Variants in ARL15 observed in about 807,000 individuals in gnomAD.
ARL15 encodes ARF like GTPase 15.
ARL15 carries 19 observed loss-of-function variants against 25.2 expected under a neutral mutation model. That is an observed-to-expected ratio of 0.75 (90% confidence interval 0.53 to 1.10). The LOEUF is 1.10. Ranked by LOEUF, ARL15 falls within the 50% of genes least tolerant of loss-of-function variation. ARL15 has a pLI of 0.00. For missense variants in ARL15, 220 were observed against 246.0 expected (o/e 0.89, Z 0.71); for synonymous variants, 94 against 86.8 (o/e 1.08, Z -0.46).
At chr5:54,097,091 T>C (rs1291363609) in intron 4 of ARL15, among the ~76,000 whole-genome samples, 1 of 152,012 alleles carries the variant, frequency 6.6e-6, no homozygotes, top group Non-Finnish European at 1.5e-5. Context: ...CCGGGCACAG[T>C]GGCTCATGAG....
chr5:54,055,348 AT>A (rs1750834002), intron 4 of ARL15, among the ~76,000 whole-genome samples: 1 of 121,424 alleles, frequency 8.2e-6, no homozygotes, highest in South Asian at 2.6e-4. Flanking sequence ...TTGCATCATC[AT>A]TCCTTTTTTT....
intron 4 of ARL15, among the ~76,000 whole-genome samples, chr5:53,927,370 C>G (rs1341114411): frequency 6.6e-6 from 1 of 152,192 alleles, no homozygotes; most frequent in Non-Finnish European, 1.5e-5. Flanking sequence ...GACACACACA[C>G]AGACACACGT....
Position 53,885,629 on chromosome 5 carries a change from C to T in ARL15, c.*932G>A, listed in dbSNP as rs1395525909. Reference sequence around the variant, plus strand: ...TCTGTCTTTGTTATCTTTGTCAAATCCATGCCATCTTAAACCCTAACCAGT... The same window carrying T: ...TCTGTCTTTGTTATCTTTGTCAAATTCATGCCATCTTAAACCCTAACCAGT... On this transcript the variant is annotated 3_prime_UTR_variant, in exon 5 of 5. Coordinates refer to ENST00000504924, the MANE Select transcript of ARL15 (RefSeq NM_019087.3). 6.6e-6 allele frequency: 1 copy of T among 152,558 alleles called. No homozygotes were observed. The highest frequency in any genetic ancestry group is 1.5e-5 in the Non-Finnish European group (1 of 68,018). 9.5% of individuals were successfully genotyped at this position (152,558 alleles called of 1,614,324 possible). A position where few individuals can be genotyped will look rare whatever the true frequency, so the allele number is the denominator to read the frequency against.
At position 53,973,498 on chromosome 5, in the gene ARL15, C is replaced by T. The variant is rs1463179376; in HGVS notation, c.463-86785G>A. Reference sequence around the variant, plus strand: ...CTGAGGCAGGAGAATCACTTGAACCCGGGAGGCAGAGGTTGCAGTGAGCCA... The same window carrying T: ...CTGAGGCAGGAGAATCACTTGAACCTGGGAGGCAGAGGTTGCAGTGAGCCA... On this transcript the variant is annotated intron_variant, in intron 4 of 4. Coordinates refer to ENST00000504924, the MANE Select transcript of ARL15 (RefSeq NM_019087.3). 4.0e-5 allele frequency among the ~76,000 whole-genome samples: 6 copies of T among 148,210 alleles called. No individual in the cohort carries two copies. The South Asian group carries it at 6.5e-4, about 16-fold the overall frequency.
chr5:53,953,383 A>G lies in ARL15; in HGVS notation c.463-66670T>C, dbSNP rs1747042235. On this transcript the variant is annotated intron_variant, in intron 4 of 4. Coordinates refer to ENST00000504924, the MANE Select transcript of ARL15 (RefSeq NM_019087.3). ...AGTAGGGAGCTCAGAGAATCTTAAT[A>G]TGTATTATATTTAAATTTTCTATAA... is the stretch of plus-strand genomic sequence containing the variant. Among the ~76,000 whole-genome samples, 2 of 152,214 alleles carry G rather than the reference A, an allele frequency of 1.3e-5. 1 individual carries two copies. Among genetic ancestry groups the G allele is most frequent in the South Asian group, 4.1e-4 (2 of 4,830 alleles).
chr5:54,122,896 C>T (rs917150819), intron 3 of ARL15, among the ~76,000 whole-genome samples: 10 of 151,954 alleles, frequency 6.6e-5, no homozygotes, highest in African/African-American at 9.7e-5. Context: ...TATAAAATAC[C>T]CCAAGATTCT....
chr5:54,102,191 T>C (rs1011789552), intron 4 of ARL15, among the ~76,000 whole-genome samples: 1 of 152,020 alleles, frequency 6.6e-6, no homozygotes, highest in African/African-American at 2.4e-5. Context: ...TTTTGTATTT[T>C]AGTAGAGAAT....
intron 4 of ARL15, among the ~76,000 whole-genome samples, chr5:53,957,688 G>T (rs1437665340): frequency 6.6e-6 from 1 of 152,186 alleles, no homozygotes; most frequent in Non-Finnish European, 1.5e-5. Context: ...GCTGGGTATG[G>T]TGGTATATGC....
intron 4 of ARL15, among the ~76,000 whole-genome samples, chr5:54,107,129 G>A (rs1230775479): frequency 1.3e-5 from 2 of 152,130 alleles, no homozygotes; most frequent in Non-Finnish European, 2.9e-5. Context: ...GAAAAATGAA[G>A]AAGGGGCTAA....
intron 4 of ARL15, among the ~76,000 whole-genome samples, chr5:54,082,271 A>G (rs1174269392): frequency 1.3e-5 from 2 of 152,190 alleles, no homozygotes; most frequent in Non-Finnish European, 2.9e-5. Flanking sequence ...TCTTGTGCAT[A>G]ACAGGAGAAA....
At chr5:53,950,721 A>C (rs527260125) in intron 4 of ARL15, among the ~76,000 whole-genome samples, 28 of 152,312 alleles carry the variant, frequency 1.8e-4, no homozygotes, top group Admixed American at 5.9e-4. Flanking sequence ...GGTCATAGTA[A>C]ATCCTAAAAT....
chr5:53,919,702 C>T (rs954759753), intron 4 of ARL15, among the ~76,000 whole-genome samples: 13 of 152,100 alleles, frequency 8.5e-5, no homozygotes, highest in African/African-American at 3.1e-4. Context: ...CAAGGGGAGG[C>T]AGATAGAGCT....
intron 4 of ARL15, among the ~76,000 whole-genome samples, chr5:54,091,227 C>T (rs569364286): frequency 6.6e-6 from 1 of 152,190 alleles, no homozygotes; most frequent in South Asian, 2.1e-4. Context: ...AGGCGAGAAA[C>T]GCAATTAAAG....
chr5:54,283,904 C>CT (rs1348663986), intron 1 of ARL15, among the ~76,000 whole-genome samples: 1 of 152,044 alleles, frequency 6.6e-6, no homozygotes, highest in African/African-American at 2.4e-5. Flanking sequence ...CTTTTTTGCT[C>CT]TTCTGCCTTT....
chr5:54,174,137 C>T (rs1046575498), intron 1 of ARL15, among the ~76,000 whole-genome samples: 3 of 152,150 alleles, frequency 2.0e-5, no homozygotes, highest in Non-Finnish European at 4.4e-5. Flanking sequence ...TCAGTACTCC[C>T]AGTGTCTAGC....
intron 4 of ARL15, among the ~76,000 whole-genome samples, chr5:54,017,741 C>T (rs1749471880): frequency 6.6e-6 from 1 of 152,096 alleles, no homozygotes; most frequent in African/African-American, 2.4e-5. Context: ...GCCTCCTTTT[C>T]CTTCCCATTC....
In ARL15 at chr5:54,117,715, ATT is replaced by A. The variant is rs942978204; in HGVS notation, c.254-4307_254-4306del. On this transcript the variant is annotated intron_variant, in intron 3 of 4. Transcript: ENST00000504924. ...GTTGTAAGCTACTTCACACAACTCC[ATT>A]TTTACTTGAAATTTCAACTGACAAA... Among the ~76,000 whole-genome samples the A allele has an allele frequency of 4.4e-4, 67 of 152,204 alleles. 1 individual carries two copies. The highest frequency in any genetic ancestry group is 8.5e-4 in the Admixed American group (13 of 15,276).
intron 4 of ARL15, among the ~76,000 whole-genome samples, chr5:53,918,743 T>C (rs562672940): frequency 6.6e-6 from 1 of 151,978 alleles, no homozygotes; most frequent in South Asian, 2.1e-4. Context: ...CATTGACAGT[T>C]AGCAAATGAA....
chr5:54,193,425 G>A (rs1367097211), intron 1 of ARL15, among the ~76,000 whole-genome samples: 1 of 152,158 alleles, frequency 6.6e-6, no homozygotes, highest in African/African-American at 2.4e-5. Context: ...CTCACAGCAG[G>A]AGGTAAGCAG....
Sources: gnomAD v4.1 joint callset for allele counts (sites outside exome capture counted in the v4.1 genomes callset) on GRCh38, gnomAD v4.1.1 for gene constraint, MANE v1.5 for transcripts, NCBI Gene and HGNC (gene_info 2026-07-23, HGNC 2026-07-21) for gene names.